RNF111: variants seen among roughly 807,000 people sequenced by gnomAD.
The protein encoded by RNF111 is ring finger protein 111, also known as E3 ubiquitin-protein ligase Arkadia.
Under a neutral mutation model 95.1 loss-of-function variants are expected in RNF111, and 17 were observed. The ratio of observed to expected loss-of-function variants is 0.18; its 90% CI spans 0.12 to 0.27. The LOEUF is 0.27. Ranked by LOEUF, RNF111 falls within the 10% of genes least tolerant of loss-of-function variation. The pLI, the probability that RNF111 is intolerant of heterozygous loss-of-function variation, is 1.00. For missense variants in RNF111, 1,189 were observed against 1,210.4 expected (o/e 0.98, Z 0.26); for synonymous variants, 440 against 414.8 (o/e 1.06, Z -0.74).
chr15:59,057,635 T>A (rs1234221285), intron 4 of RNF111, among the ~76,000 whole-genome samples: 7 of 152,222 alleles, frequency 4.6e-5, no homozygotes, highest in African/African-American at 1.7e-4. Flanking sequence ...TACTTTCTGA[T>A]AGAAAAATGT....
chr15:59,079,888 C>G (rs1188615544), intron 7 of RNF111, among the ~76,000 whole-genome samples: 3 of 151,822 alleles, frequency 2.0e-5, no homozygotes, highest in Non-Finnish European at 2.9e-5. Context: ...GAGAGAGAGA[C>G]AGTTTGGAAA....
chr15:58,995,764 C>CTTTTTTTTTTTTTTTTTTT (rs34209382), intron 1 of RNF111, among the ~76,000 whole-genome samples: 1 of 99,528 alleles, frequency 1.0e-5, no homozygotes, highest in Non-Finnish European at 1.9e-5. Context: ...GTGCCCCGGC[C>CTTTTTTTTTTTTTTTTTTT]TTTTTTTTTT....
At chr15:59,064,535 CAAAAAAA>C (rs35804813) in intron 5 of RNF111, among the ~76,000 whole-genome samples, 2 of 76,740 alleles carry the variant, frequency 2.6e-5, no homozygotes, top group Non-Finnish European at 5.5e-5. Flanking sequence ...GACTTTGTCG[CAAAAAAA>C]AAAAAAAAAA....
intron 2 of RNF111, among the ~76,000 whole-genome samples, chr15:59,047,493 T>A (rs562286579): frequency 6.6e-6 from 1 of 152,240 alleles, no homozygotes; most frequent in Admixed American, 6.5e-5. Flanking sequence ...AGACACTTTC[T>A]CAAACACAAA....
At chr15:59,046,936 C>G (rs139640186) in intron 2 of RNF111, among the ~76,000 whole-genome samples, 1 of 151,976 alleles carries the variant, frequency 6.6e-6, no homozygotes, top group Non-Finnish European at 1.5e-5. Context: ...GGCACAGTCT[C>G]GGCTCACTGC....
intron 10 of RNF111, among the ~76,000 whole-genome samples, chr15:59,086,084 G>A (rs1272912730): frequency 2.6e-5 from 4 of 151,970 alleles, no homozygotes; most frequent in Non-Finnish European, 5.9e-5. Context: ...TGCCGTAAGT[G>A]GTAATAGATC....
At chr15:59,086,195 C>A (rs2078896173) in intron 10 of RNF111, among the ~76,000 whole-genome samples, 1 of 152,134 alleles carries the variant, frequency 6.6e-6, no homozygotes, top group Admixed American at 6.5e-5. Context: ...TCTCAGCTCA[C>A]TGCAACCTCC....
intron 2 of RNF111, among the ~76,000 whole-genome samples, chr15:59,043,752 T>C (rs2041578817): frequency 6.6e-6 from 1 of 152,170 alleles, no homozygotes; most frequent in Non-Finnish European, 1.5e-5. Context: ...GTAACTTTAA[T>C]TGTGACTGTA....
chr15:59,010,088 A>C (rs1345118072), intron 1 of RNF111, among the ~76,000 whole-genome samples: 1 of 152,192 alleles, frequency 6.6e-6, no homozygotes, highest in Non-Finnish European at 1.5e-5. Context: ...CATTTTGTTT[A>C]TGCCCTCACA....
Position 59,016,175 on chromosome 15 carries a change from G to GT in RNF111, c.-19-14617dup, listed in dbSNP as rs1333638545. ...AAATATATATATGTATATATATATA[G>GT]TTTTTTTTTTTTAGAGATAGAGTCT... is the stretch of plus-strand genomic sequence containing the variant. On this transcript the variant is annotated intron_variant, in intron 1 of 13. Coordinates refer to ENST00000348370, the MANE Select transcript of RNF111 (RefSeq NM_017610.8). Among the ~76,000 whole-genome samples the GT allele has an allele frequency of 9.0e-3, 1,285 of 142,348 alleles. 9 individuals are homozygous for GT. Among genetic ancestry groups the GT allele is most frequent in the East Asian group, 0.034 (166 of 4,896 alleles). 93.4% of individuals were successfully genotyped at this position (142,348 alleles called of 152,430 possible). A position where few individuals can be genotyped will look rare whatever the true frequency, so the allele number is the denominator to read the frequency against.
intron 5 of RNF111, among the ~76,000 whole-genome samples, chr15:59,061,899 T>C (rs1442401765): frequency 6.6e-6 from 1 of 152,096 alleles, no homozygotes; most frequent in African/African-American, 2.4e-5. Context: ...CTGACAATTG[T>C]CTCCTTTTCA....
chr15:59,083,596 T>A, intron 8 of RNF111, among the ~76,000 whole-genome samples: 1 of 152,056 alleles, frequency 6.6e-6, no homozygotes, highest in East Asian at 1.9e-4. Flanking sequence ...TTAACTTGTA[T>A]TACATGTGTT....
At chr15:59,086,671 G>A (rs1160201502) in intron 10 of RNF111, among the ~76,000 whole-genome samples, 1 of 152,190 alleles carries the variant, frequency 6.6e-6, no homozygotes, top group Non-Finnish European at 1.5e-5. Flanking sequence ...TTATGGAATG[G>A]TGCTCTTGCA....
At chr15:59,032,826 A>G (rs988210075) in intron 2 of RNF111, among the ~76,000 whole-genome samples, 3 of 152,192 alleles carry the variant, frequency 2.0e-5, no homozygotes, top group African/African-American at 7.2e-5. Context: ...ATCAATTAAA[A>G]TTGGGTAGGG....
intron 7 of RNF111, among the ~76,000 whole-genome samples, chr15:59,077,428 A>T (rs1364130893): frequency 6.6e-6 from 1 of 152,214 alleles, no homozygotes; most frequent in Non-Finnish European, 1.5e-5. Context: ...TACTAATCTT[A>T]ATATATCAGA....
At chr15:59,034,848 T>C (rs1314211516) in intron 2 of RNF111, among the ~76,000 whole-genome samples, 2 of 152,226 alleles carry the variant, frequency 1.3e-5, no homozygotes, top group Admixed American at 1.3e-4. Context: ...TTAATATGAT[T>C]TGTATGGATG....
At chr15:59,048,807 A>G (rs2041831339) in intron 2 of RNF111, among the ~76,000 whole-genome samples, 2 of 152,118 alleles carry the variant, frequency 1.3e-5, no homozygotes, top group African/African-American at 4.8e-5. Context: ...TCACATTGGG[A>G]CCAGGTGCAG....
chr15:59,070,029 CTTTTTTTTTTTTT>C (rs1189748185), intron 6 of RNF111, among the ~76,000 whole-genome samples: 2 of 22,678 alleles, frequency 8.8e-5, no homozygotes, highest in Non-Finnish European at 7.4e-5. Context: ...CCACCTCCTG[CTTTTTTTTTTTTT>C]TTTTTTTTTT....
intron 2 of RNF111, among the ~76,000 whole-genome samples, chr15:59,042,775 A>T (rs912307943): frequency 6.6e-6 from 1 of 152,138 alleles, no homozygotes; most frequent in Non-Finnish European, 1.5e-5. Context: ...ACTCCGTCTT[A>T]TTGCTCTGTC....
Sources: allele counts gnomAD v4.1 joint callset (sites outside exome capture counted in the v4.1 genomes callset), GRCh38; gene constraint gnomAD v4.1.1; transcripts MANE v1.5; gene names NCBI Gene and HGNC (gene_info 2026-07-23, HGNC 2026-07-21).